The following ASTN2 variants were observed in gnomAD, a reference collection of about 807,000 sequenced individuals.
ASTN2 encodes the protein astrotactin 2, also known as astrotactin-2.
Under a neutral mutation model 139.8 loss-of-function variants are expected in ASTN2, and 54 were observed. The observed-to-expected ratio is 0.39, with a 90% CI of 0.31 to 0.48. The LOEUF (loss-of-function observed/expected upper bound fraction) is 0.48, where lower values mean the gene tolerates loss of function less well. Ranked by LOEUF, ASTN2 falls within the 20% of genes least tolerant of loss-of-function variation. The probability of loss-of-function intolerance (pLI) is 0.95; values close to 1 mark genes in which losing one functional copy is unlikely to be tolerated. For missense variants in ASTN2, 1,565 were observed against 1,725.1 expected (o/e 0.91, Z 1.64); for synonymous variants, 756 against 719.5 (o/e 1.05, Z -0.81).
chr9:116,951,337 C>CAAAA (rs386416039), intron 10 of ASTN2, among the ~76,000 whole-genome samples: 3,060 of 34,118 alleles, frequency 0.09, 865 homozygotes, highest in Middle Eastern at 0.17. Flanking sequence ...AACTCTGTCT[C>CAAAA]AAAAAAAAAA....
intron 1 of ASTN2, among the ~76,000 whole-genome samples, chr9:117,363,271 G>A (rs1829742829): frequency 6.6e-6 from 1 of 152,148 alleles, no homozygotes. Flanking sequence ...AAGTTATACT[G>A]TGTCTGAGGG....
At chr9:116,469,478 G>A (rs542639768) in intron 20 of ASTN2, among the ~76,000 whole-genome samples, 4 of 152,266 alleles carry the variant, frequency 2.6e-5, no homozygotes, top group African/African-American at 9.6e-5. Flanking sequence ...AAGCTCAGCA[G>A]GAGGGAATAT....
At chr9:117,012,960 C>T (rs73517466) in intron 6 of ASTN2, among the ~76,000 whole-genome samples, 4,179 of 152,246 alleles carry the variant, frequency 0.027, 192 homozygotes, top group African/African-American at 0.096. Flanking sequence ...GAACTTATAG[C>T]CCAGAAAGGA....
At chr9:117,159,022 AG>A (rs1830489565) in intron 3 of ASTN2, among the ~76,000 whole-genome samples, 1 of 151,808 alleles carries the variant, frequency 6.6e-6, no homozygotes, top group African/African-American at 2.4e-5. Context: ...TTCACTTCCA[AG>A]CTAATTGTCT....
intron 13 of ASTN2, among the ~76,000 whole-genome samples, chr9:116,780,244 G>T (rs1265803387): frequency 1.3e-5 from 2 of 152,184 alleles, no homozygotes; most frequent in African/African-American, 4.8e-5. Context: ...AGGTTGAAAA[G>T]AAAAATAAGT....
At chr9:116,603,566 C>T (rs1162316416) in intron 19 of ASTN2, among the ~76,000 whole-genome samples, 1 of 152,166 alleles carries the variant, frequency 6.6e-6, no homozygotes, top group African/African-American at 2.4e-5. Flanking sequence ...AAGCTGCAAA[C>T]CAGGAACTTA....
chr9:117,404,218 T>G (rs551336088), intron 1 of ASTN2, among the ~76,000 whole-genome samples: 1 of 152,300 alleles, frequency 6.6e-6, no homozygotes, highest in Admixed American at 6.5e-5. Flanking sequence ...ACTATTATGT[T>G]TTCTTCATGT....
rs1271674320 is a variant in ASTN2, at chr9:117,096,071, G to T, written c.1249C>A (p.Gln417Lys). The T allele has an allele frequency of 6.2e-7, 1 of 1,614,062 alleles. No homozygotes were observed. Residue 417 changes from glutamine to lysine, a missense_variant, in exon 5 of 23, where the codon CAG (glutamine) becomes AAG (lysine). Transcript: ENST00000313400. Reference sequence around the variant, plus strand: ...TTGCTGCGGCGGCGACTGCGGTACTGCTCCGTGTAGAATGTCAGCTGAGTT... The same window carrying T: ...TTGCTGCGGCGGCGACTGCGGTACTTCTCCGTGTAGAATGTCAGCTGAGTT... The part of the protein sequence containing the change: ...DETQLTFYTE[Q>K]YRSRRRSKGL...
At chr9:117,163,880 G>A (rs1442801839) in intron 3 of ASTN2, among the ~76,000 whole-genome samples, 1 of 152,002 alleles carries the variant, frequency 6.6e-6, no homozygotes, top group Non-Finnish European at 1.5e-5. Context: ...GCTACCAATT[G>A]AAAATGACTT....
intron 5 of ASTN2, among the ~76,000 whole-genome samples, chr9:117,080,487 C>T (rs541618673): frequency 1.3e-4 from 19 of 151,070 alleles, no homozygotes; most frequent in African/African-American, 3.2e-4. Flanking sequence ...AATATAATGC[C>T]GAGTGAAAAA....
At chr9:117,194,075 A>G (rs1281726403) in intron 3 of ASTN2, among the ~76,000 whole-genome samples, 1 of 152,160 alleles carries the variant, frequency 6.6e-6, no homozygotes, top group African/African-American at 2.4e-5. Context: ...ATTTCATAAG[A>G]GCAAATGTGG....
chr9:116,508,661 G>A (rs558106952), intron 19 of ASTN2, among the ~76,000 whole-genome samples: 2 of 152,190 alleles, frequency 1.3e-5, no homozygotes, highest in African/African-American at 4.8e-5. Context: ...TTATAGATGA[G>A]GCAAGTTGGG....
At chr9:117,266,981 AAGAG>A (rs922961184) in intron 2 of ASTN2, among the ~76,000 whole-genome samples, 67 of 152,294 alleles carry the variant, frequency 4.4e-4, no homozygotes, top group African/African-American at 1.6e-3. Context: ...AGAGTGTGGA[AAGAG>A]AGAAACAGTA....
At chr9:117,324,384 G>A (rs1828443160) in intron 1 of ASTN2, among the ~76,000 whole-genome samples, 1 of 152,226 alleles carries the variant, frequency 6.6e-6, no homozygotes, top group Non-Finnish European at 1.5e-5. Flanking sequence ...CATGGCTGAA[G>A]TGACCTCAAG....
At chr9:117,142,187 A>G (rs115911014) in intron 3 of ASTN2, among the ~76,000 whole-genome samples, 2,333 of 152,356 alleles carry the variant, frequency 0.015, 51 homozygotes, top group African/African-American at 0.054. Flanking sequence ...ATTTAGGAGT[A>G]TAAATTTTAT....
chr9:117,197,598 A>G (rs146545740), intron 3 of ASTN2, among the ~76,000 whole-genome samples: 122 of 152,334 alleles, frequency 8.0e-4, no homozygotes, highest in African/African-American at 2.8e-3. Context: ...TGTATACACA[A>G]TTATATACAC....
At chr9:116,588,017 A>G (rs1401965286) in intron 19 of ASTN2, among the ~76,000 whole-genome samples, 1 of 152,082 alleles carries the variant, frequency 6.6e-6, no homozygotes, top group Non-Finnish European at 1.5e-5. Flanking sequence ...ATTTAGAGTG[A>G]CCTGAGGGGA....
chr9:117,305,943 C>G (rs1245252869), intron 1 of ASTN2, among the ~76,000 whole-genome samples: 1 of 152,204 alleles, frequency 6.6e-6, no homozygotes, highest in Non-Finnish European at 1.5e-5. Flanking sequence ...CGGTGCTACA[C>G]AAATAAATTG....
intron 2 of ASTN2, among the ~76,000 whole-genome samples, chr9:117,280,275 G>C (rs1834294117): frequency 6.6e-6 from 1 of 152,156 alleles, no homozygotes; most frequent in African/African-American, 2.4e-5. Context: ...TGATGAGTGA[G>C]GATGTTAATT....
Sources: allele counts gnomAD v4.1 joint callset (sites outside exome capture counted in the v4.1 genomes callset), GRCh38; gene constraint gnomAD v4.1.1; transcripts MANE v1.5; gene names NCBI Gene and HGNC (gene_info 2026-07-23, HGNC 2026-07-21).